Variants in KCNQ2 observed in about 807,000 individuals in gnomAD.
The protein encoded by KCNQ2 is potassium voltage-gated channel subfamily KQT member 2.
In KCNQ2, 14 loss-of-function variants were observed where a neutral mutation model predicts 84.8. The observed-to-expected ratio is 0.17, with a 90% CI of 0.11 to 0.26. The LOEUF is 0.26. Among genes scored for constraint, KCNQ2 ranks in the 10% least tolerant of loss-of-function variants. KCNQ2 has a pLI of 1.00. For synonymous variants in KCNQ2, 599 were observed against 554.1 expected, an observed-to-expected ratio of 1.08 and a Z score of -1.14; for missense variants, 788 against 1,254.0, an observed-to-expected ratio of 0.63 and a Z score of 5.61.
At chr20:63,468,322 G>A (rs1031361372) in intron 1 of KCNQ2, among the ~76,000 whole-genome samples, 1 of 152,182 alleles carries the variant, frequency 6.6e-6, no homozygotes, top group African/African-American at 2.4e-5. Flanking sequence ...AGCAGAGACT[G>A]GACCCTGGTC....
intron 10 of KCNQ2, among the ~76,000 whole-genome samples, chr20:63,426,722 A>C (rs755850575): frequency 2.0e-5 from 3 of 151,940 alleles, no homozygotes; most frequent in Non-Finnish European, 4.4e-5. Flanking sequence ...GCCACCAACA[A>C]CACAAGGACA....
Position 63,444,806 on chromosome 20 carries a change from C to T in KCNQ2, c.543G>A (p.Ala181=), listed in dbSNP as rs1447421194. ...TGCCCTGGGAGCCGGCGGCCAGCAC[C>T]GCAATGGAGGCGATGAGCACCATGA... ...IDIMVLIASI[A]VLAAGSQGNV... is the part of the protein sequence containing the mutation. Residue 181 remains alanine (A), a synonymous_variant, in exon 4 of 17, where the codon GCG becomes GCA. Coordinates refer to ENST00000359125, the MANE Select transcript of KCNQ2 (RefSeq NM_172107.4). The T allele has an allele frequency of 1.2e-6, 2 of 1,607,102 alleles. No individual in the cohort carries two copies. The highest frequency in any genetic ancestry group is 1.7e-6 in the Non-Finnish European group (2 of 1,177,134).
In KCNQ2 at chr20:63,415,143, C is replaced by CGACAAACA. The variant is rs1555854858; in HGVS notation, c.1302-18_1302-17insTGTTTGTC. ...ACCTTCTGGCTGCTCCCACGGGAACCGACAGACAGACAGAAAAACAGGGAG... is the reference window on the plus strand; with the variant it reads ...ACCTTCTGGCTGCTCCCACGGGAACCGACAAACAGACAGACAGACAGAAAAACAGGGAG... On this transcript the variant is annotated splice_polypyrimidine_tract_variant and intron_variant, in intron 12 of 16. Transcript: ENST00000359125. 21 of 1,537,882 alleles carry CGACAAACA rather than the reference C, an allele frequency of 1.4e-5. No homozygotes were observed. The East Asian group carries it at 4.1e-4, about 30-fold the overall frequency.
intron 11 of KCNQ2, among the ~76,000 whole-genome samples, chr20:63,421,251 T>C (rs1188157963): frequency 6.6e-6 from 1 of 152,196 alleles, no homozygotes; most frequent in East Asian, 1.9e-4. Context: ...GTAGCCACAC[T>C]GAAGCTCCGG....
chr20:63,471,895 G>A (rs1455522581), intron 1 of KCNQ2: 4 of 414,860 alleles, frequency 9.6e-6, no homozygotes, highest in Non-Finnish European at 1.7e-5. Context: ...CCAGGCTGAG[G>A]AGGGGGCTGG....
intron 8 of KCNQ2, among the ~76,000 whole-genome samples, chr20:63,432,440 ATCCACCCACAGGGAAGGC>A (rs1489265542): frequency 0.1 from 2,200 of 21,704 alleles, 63 homozygotes; most frequent in Admixed American, 0.18. Flanking sequence ...TCAGGGAAGG[ATCCACCCACAGGGAAGGC>A]TCCACCCACA....
chr20:63,461,949 T>A (rs1396707319), intron 1 of KCNQ2, among the ~76,000 whole-genome samples: 4 of 98,462 alleles, frequency 4.1e-5, no homozygotes, highest in East Asian at 4.4e-4. Context: ...GGGAGGAGGC[T>A]GCATCTACCC....
chr20:63,433,298 C>T, intron 8 of KCNQ2: 1 of 196,918 alleles, frequency 5.1e-6, no homozygotes, highest in Non-Finnish European at 1.0e-5. Context: ...TGTTGGGGAA[C>T]ACCTGGGACC....
intron 1 of KCNQ2, among the ~76,000 whole-genome samples, chr20:63,452,518 G>A (rs928809824): frequency 2.0e-5 from 3 of 152,218 alleles, no homozygotes; most frequent in Non-Finnish European, 2.9e-5. Flanking sequence ...GCACAGCAGC[G>A]TCGAGGCAGG....
intron 10 of KCNQ2, among the ~76,000 whole-genome samples, chr20:63,424,797 G>C (rs1334147419): frequency 6.6e-6 from 1 of 152,252 alleles, no homozygotes; most frequent in Non-Finnish European, 1.5e-5. Context: ...CTGTTTCCGC[G>C]GGTAAAGGCG....
In KCNQ2 at chr20:63,425,135, G is replaced by A. The variant is rs1326381873; in HGVS notation, c.1218-929C>T. Reference sequence around the variant, plus strand: ...GTCTTCTCCTCCTCTACCTCTGTAAGGACAGCTGTCACCGGGCTAGGGCTC... The same window carrying A: ...GTCTTCTCCTCCTCTACCTCTGTAAAGACAGCTGTCACCGGGCTAGGGCTC... On this transcript the variant is annotated intron_variant, in intron 10 of 16. Transcript: ENST00000359125. The surrounding 1 kb of genome is among the most constrained non-coding windows in gnomAD (Gnocchi z 5.5). Among the ~76,000 whole-genome samples, 1 of 152,120 alleles carries A rather than the reference G, an allele frequency of 6.6e-6. No individual in the cohort carries two copies. The highest frequency in any genetic ancestry group is 1.5e-5 in the Non-Finnish European group (1 of 68,022).
rs2079947708 is a variant in KCNQ2 at position 63,406,737 on chromosome 20, G to A, written c.2526C>T (p.Asp842=). ...PYIAEGESDT[D]SDLCTPCGPP... Reference sequence around the variant, plus strand: ...GCCCGCACGGGGTACAGAGGTCGGAGTCGGTGTCTGACTCTCCCTCCGCAA... The same window carrying A: ...GCCCGCACGGGGTACAGAGGTCGGAATCGGTGTCTGACTCTCCCTCCGCAA... Residue 842 remains aspartate (D), a synonymous_variant, in exon 17 of 17, where the codon GAC becomes GAT. Transcript: ENST00000359125. The A allele has an allele frequency of 6.2e-7, 1 of 1,610,640 alleles. No individual in the cohort carries two copies. Among genetic ancestry groups the A allele is most frequent in the Non-Finnish European group, 8.5e-7 (1 of 1,179,252 alleles).
chr20:63,412,187 A>C, intron 15 of KCNQ2: 1 of 322,588 alleles, frequency 3.1e-6, no homozygotes, highest in Non-Finnish European at 5.7e-6. Context: ...GGTACCAGAC[A>C]GGCCGCGGCG....
intron 11 of KCNQ2, among the ~76,000 whole-genome samples, chr20:63,420,378 C>G (rs1000099831): frequency 2.0e-5 from 3 of 152,264 alleles, no homozygotes; most frequent in Non-Finnish European, 4.4e-5. Context: ...CGATTTAGCT[C>G]TGCATCACAA....
At chr20:63,458,609 C>T (rs867304440) in intron 1 of KCNQ2, among the ~76,000 whole-genome samples, 14 of 152,338 alleles carry the variant, frequency 9.2e-5, no homozygotes, top group African/African-American at 3.4e-4. Context: ...TGAGCCTGAC[C>T]GAGCACTGTC....
chr20:63,415,535 A>G (rs567163872), intron 12 of KCNQ2, among the ~76,000 whole-genome samples: 444 of 40,202 alleles, frequency 0.011, 50 homozygotes, highest in South Asian at 0.073. Flanking sequence ...GGGAGGCCAC[A>G]GACACTGAGC....
chr20:63,436,408 G>A (rs1386465039), intron 7 of KCNQ2, among the ~76,000 whole-genome samples: 2 of 152,070 alleles, frequency 1.3e-5, no homozygotes, highest in South Asian at 2.1e-4. Context: ...GTGGGTGCCT[G>A]TAGTCCCAGC....
chr20:63,430,773 G>A (rs2080765706), intron 9 of KCNQ2, among the ~76,000 whole-genome samples: 1 of 152,204 alleles, frequency 6.6e-6, no homozygotes, highest in African/African-American at 2.4e-5. Flanking sequence ...GGAGAAACTT[G>A]AGTCCAGGGC....
intron 1 of KCNQ2, among the ~76,000 whole-genome samples, chr20:63,451,137 CAAAA>C (rs58922723): frequency 2.7e-5 from 3 of 110,034 alleles, no homozygotes; most frequent in African/African-American, 6.6e-5. Flanking sequence ...GACTCTGTCC[CAAAA>C]AAAAAAAAAA....
Sources: allele counts gnomAD v4.1 joint callset (sites outside exome capture counted in the v4.1 genomes callset), GRCh38; gene constraint gnomAD v4.1.1; non-coding constraint Gnocchi (gnomAD v3.1); transcripts MANE v1.5; gene names NCBI Gene and HGNC (gene_info 2026-07-23, HGNC 2026-07-21).